The following PARD3B variants were observed in gnomAD, a reference collection of about 807,000 sequenced individuals.
PARD3B encodes par-3 family cell polarity regulator beta.
In PARD3B, 103 loss-of-function variants were observed where a neutral mutation model predicts 130.2. The observed-to-expected ratio is 0.79, with a 90% CI of 0.67 to 0.93. The LOEUF (loss-of-function observed/expected upper bound fraction) is 0.93. Ranked by LOEUF, PARD3B falls within the 40% of genes least tolerant of loss-of-function variation. PARD3B has a pLI of 0.00. For missense variants in PARD3B, 1,609 were observed against 1,499.2 expected (o/e 1.07, Z -1.21); for synonymous variants, 583 against 553.2 (o/e 1.05, Z -0.76).
chr2:205,395,186 C>T (rs948675165), intron 18 of PARD3B, among the ~76,000 whole-genome samples: 1 of 152,144 alleles, frequency 6.6e-6, no homozygotes, highest in Non-Finnish European at 1.5e-5. Context: ...CAACCATTAC[C>T]CAGTCTATAA....
intron 2 of PARD3B, among the ~76,000 whole-genome samples, chr2:204,934,824 G>A (rs1415587103): frequency 6.6e-6 from 1 of 152,212 alleles, no homozygotes; most frequent in Non-Finnish European, 1.5e-5. Context: ...GGTATACTTA[G>A]TGGAAGGGCA....
At chr2:205,490,182 A>C (rs1398682277) in intron 20 of PARD3B, among the ~76,000 whole-genome samples, 1 of 152,064 alleles carries the variant, frequency 6.6e-6, no homozygotes, top group East Asian at 1.9e-4. Context: ...TTACATATGT[A>C]TACATGTGCC....
At chr2:205,418,091 C>G (rs543011811) in intron 19 of PARD3B, among the ~76,000 whole-genome samples, 1 of 152,112 alleles carries the variant, frequency 6.6e-6, no homozygotes, top group African/African-American at 2.4e-5. Context: ...AATTTCAGGC[C>G]TAAAAGCTTA....
intron 14 of PARD3B, among the ~76,000 whole-genome samples, chr2:205,189,034 T>G (rs2036251832): frequency 1.3e-5 from 2 of 152,192 alleles, no homozygotes; most frequent in Admixed American, 1.3e-4. Context: ...GAAATAAACT[T>G]ACTGTGAGAT....
intron 15 of PARD3B, among the ~76,000 whole-genome samples, chr2:205,221,478 TA>T (rs1047171493): frequency 3.9e-5 from 6 of 152,178 alleles, no homozygotes; most frequent in African/African-American, 1.4e-4. Flanking sequence ...AATGCTGTCT[TA>T]GGTGGCATTA....
intron 3 of PARD3B, among the ~76,000 whole-genome samples, chr2:204,991,782 G>C (rs1176000503): frequency 6.6e-6 from 1 of 151,854 alleles, no homozygotes; most frequent in Admixed American, 6.6e-5. Flanking sequence ...ACTGGTGTGA[G>C]ATGGTATCTC....
intron 2 of PARD3B, among the ~76,000 whole-genome samples, chr2:204,722,140 C>T (rs1018024987): frequency 3.9e-5 from 6 of 152,124 alleles, no homozygotes; most frequent in Non-Finnish European, 7.4e-5. Flanking sequence ...ATATTTTCTT[C>T]ATCATTCTTT....
rs527869143 is a variant in PARD3B, at chr2:204,967,882, C to T, written c.394+2559C>T. 7.0e-4 allele frequency among the ~76,000 whole-genome samples: 107 copies of T among 152,188 alleles called. No individual in the cohort carries two copies. The highest frequency in any genetic ancestry group is 1.1e-3 in the Non-Finnish European group (77 of 68,016). ...TGTGACCTGGCTGTCCTGTCTGGTC[C>T]ACCCTGAAAGCCTGCTTAGGTGAAG... On this transcript the variant is annotated intron_variant, in intron 3 of 22. Coordinates refer to ENST00000406610, the MANE Select transcript of PARD3B (RefSeq NM_001302769.2). The surrounding 1 kb of genome is among the most constrained non-coding windows in gnomAD (Gnocchi z 4.4).
intron 2 of PARD3B, among the ~76,000 whole-genome samples, chr2:204,808,323 A>G (rs979908120): frequency 4.0e-5 from 6 of 151,666 alleles, no homozygotes; most frequent in Non-Finnish European, 7.4e-5. Context: ...TGTACTTCTC[A>G]TTTGTTTTGT....
intron 16 of PARD3B, among the ~76,000 whole-genome samples, chr2:205,278,859 CA>C: frequency 6.6e-6 from 1 of 152,032 alleles, no homozygotes; most frequent in East Asian, 1.9e-4. Context: ...CACTTGAGAT[CA>C]GGAGTTCGAG....
chr2:205,448,493 T>C (rs1032073441), intron 20 of PARD3B, among the ~76,000 whole-genome samples: 1 of 152,232 alleles, frequency 6.6e-6, no homozygotes, highest in African/African-American at 2.4e-5. Context: ...TTTTAAAATG[T>C]GGGATAGTCT....
At chr2:205,266,573 G>A (rs1283686810) in intron 16 of PARD3B, among the ~76,000 whole-genome samples, 3 of 152,072 alleles carry the variant, frequency 2.0e-5, no homozygotes, top group African/African-American at 7.2e-5. Flanking sequence ...AACACTGAAA[G>A]TACTCAGTCA....
At chr2:205,431,510 T>C (rs1208363270) in intron 19 of PARD3B, among the ~76,000 whole-genome samples, 3 of 152,052 alleles carry the variant, frequency 2.0e-5, no homozygotes, top group African/African-American at 7.2e-5. Flanking sequence ...TGCACTGTTG[T>C]CCAGGCTTGA....
chr2:204,800,777 G>A (rs1233522253), intron 2 of PARD3B, among the ~76,000 whole-genome samples: 1 of 152,176 alleles, frequency 6.6e-6, no homozygotes, highest in East Asian at 1.9e-4. Context: ...TAGTCATGAA[G>A]TCTTTGCCCA....
intron 18 of PARD3B, among the ~76,000 whole-genome samples, chr2:205,384,998 A>C (rs1343566657): frequency 6.6e-6 from 1 of 151,956 alleles, no homozygotes; most frequent in African/African-American, 2.4e-5. Flanking sequence ...AATCTCCAGC[A>C]CCTCACATTA....
At chr2:205,109,016 T>G (rs147580748) in intron 5 of PARD3B, among the ~76,000 whole-genome samples, 2 of 152,268 alleles carry the variant, frequency 1.3e-5, no homozygotes, top group East Asian at 1.9e-4. Context: ...TTTCTGTTCT[T>G]TTTTATTACC....
rs376982085 is a variant in PARD3B, at chr2:205,301,466, G to A, written c.2395G>A (p.Gly799Ser). The A allele has an allele frequency of 1.5e-5, 24 of 1,609,574 alleles. No individual in the cohort carries two copies. The highest frequency in any genetic ancestry group is 1.5e-4 in the African/African-American group (11 of 74,390). The change falls in exon 18 of 23, where the codon GGT (glycine) becomes AGT (serine). Residue 799 changes from glycine to serine, a missense_variant and splice_region_variant. Physicochemically the swap from Gly to Ser is moderately conservative, Grantham distance 56. Transcript: ENST00000406610. This position sits in a 1 kb window ranked among gnomAD's most constrained non-coding sequence, Gnocchi z 5.2. ...YDGPEEIEADGLSDKSSHSGQ... is the reference protein window; with the variant it reads ...YDGPEEIEADSLSDKSSHSGQ... ...TTGATTATTTTTTCTCTGTACAGAC[G>A]GTCTGTCTGATAAGAGCTCTCACTC... is the stretch of plus-strand genomic sequence containing the variant.
chr2:204,822,465 T>C (rs1184327774), intron 2 of PARD3B, among the ~76,000 whole-genome samples: 1 of 152,234 alleles, frequency 6.6e-6, no homozygotes, highest in Non-Finnish European at 1.5e-5. Flanking sequence ...TTGGCAGTTA[T>C]CAGTTTATGT....
chr2:205,428,255 C>T (rs13431232), intron 19 of PARD3B, among the ~76,000 whole-genome samples: 15,780 of 152,200 alleles, frequency 0.1, 1,256 homozygotes, highest in African/African-American at 0.22. Flanking sequence ...TGGTGTGCAC[C>T]TGTAGTCCCA....
Sources: allele counts gnomAD v4.1 joint callset (sites outside exome capture counted in the v4.1 genomes callset), GRCh38; gene constraint gnomAD v4.1.1; non-coding constraint Gnocchi (gnomAD v3.1); transcripts MANE v1.5; gene names NCBI Gene and HGNC (gene_info 2026-07-23, HGNC 2026-07-21).